Variants in PRKAR1A observed in about 807,000 individuals in gnomAD.
The protein encoded by PRKAR1A is cAMP-dependent protein kinase type I-alpha regulatory subunit.
A neutral mutation model predicts 52.0 loss-of-function variants in PRKAR1A; 3 were observed. The ratio of observed to expected loss-of-function variants is 0.06; its 90% CI spans 0.03 to 0.15. PRKAR1A has a LOEUF of 0.15. PRKAR1A is among the 10% of genes least tolerant of loss of function. PRKAR1A has a pLI of 1.00. For synonymous variants in PRKAR1A, 188 were observed against 168.4 expected, an observed-to-expected ratio of 1.12 and a Z score of -0.90; for missense variants, 240 against 477.4, an observed-to-expected ratio of 0.50 and a Z score of 4.63.
At chr17:68,459,763 T>A in the PRKAR1A span, among the ~76,000 whole-genome samples, 72,957 of 152,014 alleles carry the variant, frequency 0.48, 17,775 homozygotes, top group African/African-American at 0.52. Flanking sequence ...TGGAATAATA[T>A]CATTTATTTA....
the PRKAR1A span, chr17:68,457,430 CGGCCCGGGA>C: frequency 2.0e-6 from 3 of 1,469,394 alleles, no homozygotes; most frequent in Admixed American, 2.4e-5. Flanking sequence ...ATCGGGGGCT[CGGCCCGGGA>C]AGCCGCAGCT....
the PRKAR1A span, among the ~76,000 whole-genome samples, chr17:68,457,824 G>A: frequency 6.6e-6 from 1 of 152,188 alleles, no homozygotes; most frequent in Admixed American, 6.5e-5. Context: ...GGACAAAGGC[G>A]CGTGACGCAA....
chr17:68,487,965 G>A, the PRKAR1A span, among the ~76,000 whole-genome samples: 1 of 151,982 alleles, frequency 6.6e-6, no homozygotes, highest in Non-Finnish European at 1.5e-5. Context: ...CACTCATGAA[G>A]CTTACGTTTG....
At chr17:68,487,779 G>A in the PRKAR1A span, among the ~76,000 whole-genome samples, 5 of 148,148 alleles carry the variant, frequency 3.4e-5, no homozygotes, top group African/African-American at 7.5e-5. Context: ...CAGCCTGGGC[G>A]ACAGAGTAAG....
At chr17:68,494,873 C>T in the PRKAR1A span, among the ~76,000 whole-genome samples, 1 of 152,194 alleles carries the variant, frequency 6.6e-6, no homozygotes, top group Non-Finnish European at 1.5e-5. Context: ...GCCAAATGTC[C>T]TGCTCCACAA....
the PRKAR1A span, chr17:68,444,358 G>A: frequency 1.3e-6 from 1 of 754,748 alleles, no homozygotes. Context: ...TTAAGACAAA[G>A]CTTCGAGATA....
chr17:68,486,491 TTCCTTCCTTCCTTCC>T, the PRKAR1A span, among the ~76,000 whole-genome samples: 89 of 51,176 alleles, frequency 1.7e-3, no homozygotes, highest in South Asian at 4.2e-3. Flanking sequence ...CCTTCCTTCC[TTCCTTCCTTCCTTCC>T]TTCTTTCTTT....
At chr17:68,436,602 G>C in the PRKAR1A span, 3 of 788,116 alleles carry the variant, frequency 3.8e-6, no homozygotes, top group Non-Finnish European at 6.0e-6. Flanking sequence ...GAATGGCTTT[G>C]CAGACAACTG....
At chr17:68,436,754 C>T in the PRKAR1A span, among the ~76,000 whole-genome samples, 1 of 152,122 alleles carries the variant, frequency 6.6e-6, no homozygotes, top group African/African-American at 2.4e-5. Context: ...CCTGTAATTC[C>T]AGCACTTTGA....
the PRKAR1A span, among the ~76,000 whole-genome samples, chr17:68,493,469 C>A: frequency 6.6e-6 from 1 of 152,170 alleles, no homozygotes; most frequent in African/African-American, 2.4e-5. Context: ...TCCCCCCGCA[C>A]GTGTTCTTAC....
At chr17:68,428,757 C>A in the PRKAR1A span, 5 of 1,204,056 alleles carry the variant, frequency 4.2e-6, no homozygotes, top group Admixed American at 5.6e-5. Flanking sequence ...TGAAGCTTGT[C>A]GTTCTTGGCG....
intron 4 of PRKAR1A, 52 bp from the exon 5 acceptor site, chr17:68,523,964 A>G: frequency 6.2e-7 from 1 of 1,603,844 alleles, no homozygotes; most frequent in South Asian, 1.1e-5. Flanking sequence ...AATGTTTGAA[A>G]TTCACGGAAG....
chr17:68,429,054 T>C, the PRKAR1A span: 2 of 726,292 alleles, frequency 2.8e-6, no homozygotes, highest in East Asian at 5.5e-5. Flanking sequence ...GACAAACCCT[T>C]AGCCCACTGA....
chr17:68,509,115 A>G (rs144025004), upstream of PRKAR1A, among the ~76,000 whole-genome samples: 1 of 152,002 alleles, frequency 6.6e-6, no homozygotes, highest in African/African-American at 2.4e-5. Context: ...ATTTCTGCTT[A>G]TCACTCATGT....
the PRKAR1A span, among the ~76,000 whole-genome samples, chr17:68,448,757 T>C: frequency 6.6e-6 from 1 of 152,224 alleles, no homozygotes; most frequent in East Asian, 1.9e-4. Context: ...ATTACTACTA[T>C]ATGCAAGGAT....
chr17:68,463,518 CAG>C, the PRKAR1A span, among the ~76,000 whole-genome samples: 1 of 152,128 alleles, frequency 6.6e-6, no homozygotes, highest in African/African-American at 2.4e-5. Flanking sequence ...CCCACCTGGG[CAG>C]AGAGACCATT....
chr17:68,476,152 TTATAATCTAC>T, the PRKAR1A span, among the ~76,000 whole-genome samples: 4 of 152,080 alleles, frequency 2.6e-5, no homozygotes, highest in South Asian at 4.1e-4. Context: ...ACTATAATAT[TTATAATCTAC>T]TATAATCTAC....
At chr17:68,508,543 A>G (rs755990331), upstream of PRKAR1A, among the ~76,000 whole-genome samples, 1 of 152,206 alleles carries the variant, frequency 6.6e-6, no homozygotes, top group Non-Finnish European at 1.5e-5. Flanking sequence ...GGAGTCGGGG[A>G]GCAAGGATTT....
the PRKAR1A span, chr17:68,436,360 A>T: frequency 2.5e-6 from 4 of 1,611,036 alleles, no homozygotes; most frequent in African/African-American, 5.3e-5. Context: ...GGGTTGGCTC[A>T]GCCAGGTCAC....
Sources: gnomAD v4.1 joint callset for allele counts (sites outside exome capture counted in the v4.1 genomes callset) on GRCh38, gnomAD v4.1.1 for gene constraint, MANE v1.5 for transcripts, NCBI Gene and HGNC (gene_info 2026-07-23, HGNC 2026-07-21) for gene names.